The following RPL18 variants were observed in gnomAD, a reference collection of about 807,000 sequenced individuals.
RPL18 encodes the protein large ribosomal subunit protein eL18.
A neutral mutation model predicts 25.0 loss-of-function variants in RPL18; 4 were observed. The observed-to-expected ratio is 0.16, with a 90% CI of 0.08 to 0.37. The LOEUF (loss-of-function observed/expected upper bound fraction) is 0.37. Among genes scored for constraint, RPL18 ranks in the 10% least tolerant of loss-of-function variants. The probability of loss-of-function intolerance (pLI) is 1.00; values close to 1 mark genes in which losing one functional copy is unlikely to be tolerated. For missense variants in RPL18, 179 were observed against 267.9 expected, an observed-to-expected ratio of 0.67 and a Z score of 2.32; for synonymous variants, 129 against 101.6, an observed-to-expected ratio of 1.27 and a Z score of -1.62.
At chr19:48,616,274 C>T in intron 4 of RPL18, 72 bp from the exon 5 acceptor site, 1 of 1,586,588 alleles carries the variant, frequency 6.3e-7, no homozygotes, top group East Asian at 2.2e-5. Flanking sequence ...ACTCACCCTC[C>T]ACTGCCTTGG....
Position 48,615,961 on chromosome 19 carries a change from G to A in RPL18, c.422-15C>T, listed in dbSNP as rs368542541. 1.3e-4 allele frequency: 216 copies of A among 1,613,922 alleles called. No homozygotes were observed. Among genetic ancestry groups the A allele is most frequent in the Admixed American group, 3.8e-4 (23 of 59,994 alleles). ...CTTGCGAGGACCTAGGGAAGGGGAAGGAGAACCGGGTGAGACAGGGATCTG... is the reference window on the plus strand; with the variant it reads ...CTTGCGAGGACCTAGGGAAGGGGAAAGAGAACCGGGTGAGACAGGGATCTG... On this transcript the variant is annotated splice_polypyrimidine_tract_variant and intron_variant, in intron 5 of 6. Coordinates refer to ENST00000549920, the MANE Select transcript of RPL18 (RefSeq NM_000979.4).
Position 48,617,864 on chromosome 19 carries a change from C to T in RPL18, c.17G>A (p.Arg6His), listed in dbSNP as rs753278830. 16 of 1,613,730 alleles carry T rather than the reference C, an allele frequency of 9.9e-6. No individual in the cohort carries two copies. The African/African-American group carries it at 1.6e-4, about 16-fold the overall frequency. The stretch of plus-strand genomic sequence containing the variant: ...CCGAACCTTTCGGTCCTTGTTATGG[C>T]GGATGTCCACTCCCTGTGGGGGTGA... MGVDI[R>H]HNKDRKVRRK... Residue 6 changes from arginine to histidine, a missense_variant, in exon 2 of 7, where the codon CGC becomes CAC. Arg to His is a conservative substitution (Grantham distance 29). Coordinates refer to ENST00000549920, the MANE Select transcript of RPL18 (RefSeq NM_000979.4).
intron 2 of RPL18, 75 bp downstream of exon 2, chr19:48,617,716 G>A: frequency 8.5e-7 from 1 of 1,173,368 alleles, no homozygotes; most frequent in Non-Finnish European, 1.3e-6. Context: ...GGAGCTTGGT[G>A]CCAGCACTAG....
In RPL18 at chr19:48,615,950, G is replaced by C. The variant is rs1461254569; in HGVS notation, c.422-4C>G. On this transcript the variant is annotated splice_region_variant and splice_polypyrimidine_tract_variant and intron_variant, in intron 5 of 6. Coordinates refer to ENST00000549920, the MANE Select transcript of RPL18 (RefSeq NM_000979.4). ...ACCTCTCGGCCCTTGCGAGGACCTA[G>C]GGAAGGGGAAGGAGAACCGGGTGAG... is the stretch of plus-strand genomic sequence containing the variant. 1.2e-6 allele frequency: 2 copies of C among 1,613,922 alleles called. No homozygotes were observed. The highest frequency in any genetic ancestry group is 3.3e-5 in the Admixed American group (2 of 59,994).
intron 1 of RPL18, chr19:48,618,766 G>C: frequency 3.4e-6 from 1 of 291,098 alleles, no homozygotes; most frequent in East Asian, 7.6e-5. Context: ...CCTCTCACCC[G>C]CCGCGGCCCC....
chr19:48,619,103 C>G, intron 1 of RPL18, 38 bp downstream of exon 1: 1 of 1,531,314 alleles, frequency 6.5e-7, no homozygotes, highest in Admixed American at 1.8e-5. Flanking sequence ...CGGATGGCAG[C>G]GGATTATCCA....
chr19:48,617,331 C>T lies in RPL18; in HGVS notation c.183G>A (p.Leu61=). 6.2e-7 allele frequency: 1 copy of T among 1,614,068 alleles called. No homozygotes were observed. Among genetic ancestry groups the T allele is most frequent in the African/African-American group, 1.3e-5 (1 of 75,048 alleles). Reference sequence around the variant, plus strand: ...AGCCACTCACCATCCGGGAAAGGGACAGAGGCGGCCGGTTGGTGCGACTCA... The same window carrying T: ...AGCCACTCACCATCCGGGAAAGGGATAGAGGCGGCCGGTTGGTGCGACTCA... The part of the protein sequence containing the change: ...LFMSRTNRPP[L]SLSRMIRKMK... Residue 61 remains leucine (L), a synonymous_variant, in exon 3 of 7, where the codon CTG becomes CTA. Transcript: ENST00000549920.
At chr19:48,616,615 C>T (rs756597112) in intron 4 of RPL18, 111 bp downstream of exon 4, 4 of 830,442 alleles carry the variant, frequency 4.8e-6, no homozygotes, top group Admixed American at 3.5e-5. Context: ...ATGCTTGCCT[C>T]ACCAGCGGTG....
At chr19:48,615,556 T>A in intron 6 of RPL18, 109 bp from the exon 7 acceptor site, 1 of 910,382 alleles carries the variant, frequency 1.1e-6, no homozygotes, top group South Asian at 1.6e-5. Flanking sequence ...GAGTCAATGC[T>A]GCTGGAAAAG....
chr19:48,615,855 G>A, intron 6 of RPL18, 22 bp downstream of exon 6: 2 of 1,594,946 alleles, frequency 1.3e-6, no homozygotes, highest in Non-Finnish European at 8.5e-7. Context: ...GGAGAGGGCA[G>A]GGCTGGGGGC....
At chr19:48,616,452 A>C in intron 4 of RPL18, 1 of 657,480 alleles carries the variant, frequency 1.5e-6, no homozygotes, top group East Asian at 2.7e-5. Context: ...AGAGGTGACA[A>C]AGGAGTCTAG....
At chr19:48,615,818 AGGCCT>A in intron 6 of RPL18, 54 bp downstream of exon 6, 1 of 1,476,066 alleles carries the variant, frequency 6.8e-7, no homozygotes, top group Admixed American at 1.9e-5. Context: ...AAGTGTGGCC[AGGCCT>A]GGCCCTGCAG....
At chr19:48,615,475 G>A (rs180823347) in intron 6 of RPL18, 28 bp from the exon 7 acceptor site, 62 of 1,578,368 alleles carry the variant, frequency 3.9e-5, no homozygotes, top group Non-Finnish European at 5.2e-5. Flanking sequence ...AGTGAGAGGG[G>A]GGCCCTCTTA....
At chr19:48,618,957 G>C (rs1295043522) in intron 1 of RPL18, 184 bp downstream of exon 1, 1 of 616,732 alleles carries the variant, frequency 1.6e-6, no homozygotes, top group African/African-American at 1.8e-5. Context: ...TCTACTAAGT[G>C]GGGGCGGTAG....
At chr19:48,617,925 G>T in intron 1 of RPL18, 48 bp from the exon 2 acceptor site, 1 of 1,366,148 alleles carries the variant, frequency 7.3e-7, no homozygotes, top group Non-Finnish European at 1.0e-6. Context: ...CCCAACCATA[G>T]CCAATTATTA....
intron 2 of RPL18, 27 bp from the exon 3 acceptor site, chr19:48,617,450 G>C (rs1163423896): frequency 6.5e-7 from 1 of 1,540,498 alleles, no homozygotes; most frequent in Admixed American, 1.7e-5. Flanking sequence ...ACAGTGAGAA[G>C]CTGGGACAGC....
In RPL18 at chr19:48,618,930, G is replaced by C. The variant is rs779196731; in HGVS notation, c.3+211C>G. On this transcript the variant is annotated intron_variant, in intron 1 of 6. Coordinates refer to ENST00000549920, the MANE Select transcript of RPL18 (RefSeq NM_000979.4). Reference sequence around the variant, plus strand: ...TAAACCCAGTCATATCAGCCTCCGAGTACCTCCACTTGGTCATCTACTAAG... The same window carrying C: ...TAAACCCAGTCATATCAGCCTCCGACTACCTCCACTTGGTCATCTACTAAG... The C allele has an allele frequency of 2.2e-4, 128 of 584,304 alleles. 1 individual carries two copies. Among genetic ancestry groups the C allele is most frequent in the South Asian group, 1.2e-3 (58 of 48,074 alleles). 36.2% of individuals were successfully genotyped at this position (584,304 alleles called of 1,614,324 possible). A position where few individuals can be genotyped will look rare whatever the true frequency, so the allele number is the denominator to read the frequency against.
At chr19:48,615,838 A>C (rs1227129224) in intron 6 of RPL18, 39 bp downstream of exon 6, 8 of 1,556,540 alleles carry the variant, frequency 5.1e-6, no homozygotes, top group Non-Finnish European at 7.0e-6. Context: ...CTGCAGGCTG[A>C]GTCTGGGGAG....
At chr19:48,615,803 A>T in intron 6 of RPL18, 74 bp downstream of exon 6, 1 of 1,341,724 alleles carries the variant, frequency 7.5e-7, no homozygotes, top group South Asian at 1.2e-5. Context: ...TAGGAGAAGC[A>T]GCCCAAGTGT....
Sources: allele counts gnomAD v4.1 joint callset, GRCh38; gene constraint gnomAD v4.1.1; transcripts MANE v1.5; gene names NCBI Gene and HGNC (gene_info 2026-07-23, HGNC 2026-07-21).